The following CSPP1 variants were observed in gnomAD, a reference collection of about 807,000 sequenced individuals.
CSPP1 encodes the protein centrosome and spindle pole-associated protein 1.
Under a neutral mutation model 164.4 loss-of-function variants are expected in CSPP1, and 126 were observed. The ratio of observed to expected loss-of-function variants is 0.77; its 90% CI spans 0.66 to 0.89. The LOEUF (loss-of-function observed/expected upper bound fraction) is 0.89. Ranked by LOEUF, CSPP1 falls within the 40% of genes least tolerant of loss-of-function variation. The probability of loss-of-function intolerance (pLI) is 0.00; values close to 1 mark genes in which losing one functional copy is unlikely to be tolerated. For synonymous variants in CSPP1, 472 were observed against 476.7 expected (o/e 0.99, Z 0.13); for missense variants, 1,395 against 1,449.8 (o/e 0.96, Z 0.61).
At chr8:67,156,666 A>ATAAAAAAAAAATAT (rs1295835222) in intron 19 of CSPP1, among the ~76,000 whole-genome samples, 2 of 152,310 alleles carry the variant, frequency 1.3e-5, no homozygotes, top group East Asian at 3.9e-4. Context: ...AATATTATGA[A>ATAAAAAAAAAATAT]ATGTTCAAAT....
chr8:67,193,536 C>T lies in CSPP1; in HGVS notation c.3403C>T (p.Leu1135Phe). ...KSISSVNVDE[L>F]RVRNEERMRR... is the part of the protein sequence containing the mutation. ...TATATCCAGTGTAAATGTTGATGAG[C>T]TTAGAGTGAGAAATGAGGAACGAAT... Residue 1135 changes from leucine (L) to phenylalanine (F), a missense_variant, in exon 30 of 31, where the codon CTT becomes TTT. By Grantham distance (22) the Leu-to-Phe change is conservative. Coordinates refer to ENST00000678616, the MANE Select transcript of CSPP1 (RefSeq NM_001382391.1). 6.2e-7 allele frequency: 1 copy of T among 1,612,932 alleles called. No individual in the cohort carries two copies. Among genetic ancestry groups the T allele is most frequent in the Non-Finnish European group, 8.5e-7 (1 of 1,178,914 alleles).
chr8:67,116,144 GT>G, intron 13 of CSPP1, 22 bp downstream of exon 13: 1 of 1,561,828 alleles, frequency 6.4e-7, no homozygotes, highest in Non-Finnish European at 8.8e-7. Context: ...AATGTTTTGT[GT>G]TTGGGAATTA....
intron 19 of CSPP1, among the ~76,000 whole-genome samples, chr8:67,155,859 T>C (rs905826771): frequency 3.9e-5 from 6 of 152,092 alleles, no homozygotes; most frequent in Admixed American, 3.3e-4. Context: ...ATTTTACTAG[T>C]GTGGGTGACA....
At chr8:67,153,887 AC>A in intron 18 of CSPP1, 136 bp from the exon 19 acceptor site, 1 of 543,422 alleles carries the variant, frequency 1.8e-6, no homozygotes, top group South Asian at 2.4e-5. Flanking sequence ...TCTAATCTCA[AC>A]CTTCCCCTTC....
intron 25 of CSPP1, chr8:67,175,053 G>T (rs960165656): frequency 9.4e-6 from 4 of 427,408 alleles, no homozygotes; most frequent in African/African-American, 8.0e-5. Context: ...AACATCCACT[G>T]CTTGTTCTGG....
chr8:67,088,251 A>C (rs1356298654), intron 4 of CSPP1, among the ~76,000 whole-genome samples: 1 of 152,018 alleles, frequency 6.6e-6, no homozygotes, highest in Non-Finnish European at 1.5e-5. Flanking sequence ...TTTAAATTCA[A>C]AGGGATGTGA....
chr8:67,083,548 A>AAAAAAT (rs1332248754), intron 3 of CSPP1: 21 of 91,478 alleles, frequency 2.3e-4, no homozygotes, highest in South Asian at 3.6e-4. Flanking sequence ...AAAAAAAAAA[A>AAAAAAT]ATATATATAT....
intron 28 of CSPP1, among the ~76,000 whole-genome samples, chr8:67,184,119 C>A (rs1198119583): frequency 6.6e-6 from 1 of 152,088 alleles, no homozygotes; most frequent in Non-Finnish European, 1.5e-5. Context: ...TCCCAAAGTG[C>A]TGGGATTATA....
At chr8:67,105,256 C>T (rs1317267360) in intron 8 of CSPP1, among the ~76,000 whole-genome samples, 3 of 151,848 alleles carry the variant, frequency 2.0e-5, no homozygotes, top group African/African-American at 4.8e-5. Context: ...AAGCTCCAGA[C>T]CTCAAGCGAT....
chr8:67,152,495 C>G (rs1346772114), intron 18 of CSPP1, among the ~76,000 whole-genome samples: 2 of 152,134 alleles, frequency 1.3e-5, no homozygotes, highest in Admixed American at 6.5e-5. Flanking sequence ...AGATACATTT[C>G]TGCTTTCTTT....
intron 7 of CSPP1, among the ~76,000 whole-genome samples, chr8:67,102,254 T>C (rs1000499401): frequency 6.6e-6 from 1 of 152,192 alleles, no homozygotes; most frequent in Non-Finnish European, 1.5e-5. Context: ...TGGTTTGTTA[T>C]ATTTTATTTA....
chr8:67,097,433 C>G lies in CSPP1; in HGVS notation c.923+1701C>G, dbSNP rs181549191. ...CAATTATAGTTTCTCTGATCTGAAT[C>G]TAATTGTTTATACTTCAGAAAATTC... On this transcript the variant is annotated intron_variant, in intron 7 of 30. Coordinates refer to ENST00000678616, the MANE Select transcript of CSPP1 (RefSeq NM_001382391.1). 2.9e-3 allele frequency among the ~76,000 whole-genome samples: 442 copies of G among 152,172 alleles called. 1 individual carries two copies. The highest frequency in any genetic ancestry group is 4.4e-3 in the Non-Finnish European group (298 of 67,962).
At chr8:67,140,764 G>C (rs1586455341) in intron 17 of CSPP1, among the ~76,000 whole-genome samples, 1 of 152,214 alleles carries the variant, frequency 6.6e-6, no homozygotes, top group Admixed American at 6.5e-5. Context: ...TGATGCTGCT[G>C]TTTGGGTGGT....
rs1009184310 is a variant in CSPP1 at position 67,085,917 on chromosome 8, C to T, written c.200-90C>T. 14 of 699,374 alleles carry T rather than the reference C, an allele frequency of 2.0e-5. No homozygotes were observed. In the Admixed American group the frequency reaches 3.1e-4, roughly 15 times the overall value. 43.3% of individuals were successfully genotyped at this position (699,374 alleles called of 1,614,324 possible). ...TCCTACTCTTGGAATAAGCATAATT[C>T]TGTTCCTTCTTACTGTGCTTTGTTA... is the stretch of plus-strand genomic sequence containing the variant. On this transcript the variant is annotated intron_variant, in intron 3 of 30. Coordinates refer to ENST00000678616, the MANE Select transcript of CSPP1 (RefSeq NM_001382391.1).
chr8:67,134,676 C>T (rs1821891398), intron 16 of CSPP1: 1 of 151,242 alleles, frequency 6.6e-6, no homozygotes, highest in Admixed American at 6.6e-5. Flanking sequence ...TCTCCTGCCT[C>T]AGCTTCCCGA....
chr8:67,162,045 A>G lies in CSPP1; in HGVS notation c.2643+130A>G. ...CAGATCTGAAATATAGGTGATATCTACAGTAATTTGCCTGCTGCTTCGATT... is the reference window on the plus strand; with the variant it reads ...CAGATCTGAAATATAGGTGATATCTGCAGTAATTTGCCTGCTGCTTCGATT... On this transcript the variant is annotated intron_variant, in intron 22 of 30. Coordinates refer to ENST00000678616, the MANE Select transcript of CSPP1 (RefSeq NM_001382391.1). The G allele has an allele frequency of 4.8e-6, 3 of 625,222 alleles. No homozygotes were observed. In the East Asian group the frequency reaches 8.2e-5, roughly 17 times the overall value. 38.7% of individuals were successfully genotyped at this position (625,222 alleles called of 1,614,324 possible).
chr8:67,077,301 G>A (rs1261930250), intron 3 of CSPP1, among the ~76,000 whole-genome samples: 2 of 151,330 alleles, frequency 1.3e-5, no homozygotes, highest in Non-Finnish European at 2.9e-5. Flanking sequence ...TTACAGGCCT[G>A]AGCCACCATG....
intron 21 of CSPP1, among the ~76,000 whole-genome samples, chr8:67,160,038 T>TTTTCTTTTCTTTTCTTTC (rs1828003637): frequency 1.0e-5 from 1 of 96,798 alleles, no homozygotes; most frequent in African/African-American, 6.8e-5. Context: ...TTTCTTTTTC[T>TTTTCTTTTCTTTTCTTTC]TTTTCTTTTT....
At chr8:67,175,065 G>T (rs1831285895) in intron 25 of CSPP1, 1 of 458,076 alleles carries the variant, frequency 2.2e-6, no homozygotes, top group East Asian at 4.2e-5. Context: ...TTGTTCTGGG[G>T]TATTCCTTAT....
Sources: gnomAD v4.1 joint callset for allele counts (sites outside exome capture counted in the v4.1 genomes callset) on GRCh38, gnomAD v4.1.1 for gene constraint, MANE v1.5 for transcripts, NCBI Gene and HGNC (gene_info 2026-07-23, HGNC 2026-07-21) for gene names.